Variants in AK4 observed in about 807,000 individuals in gnomAD.
The protein encoded by AK4 is adenylate kinase 4, also known as adenylate kinase 4, mitochondrial.
A neutral mutation model predicts 24.6 loss-of-function variants in AK4; 13 were observed. The ratio of observed to expected loss-of-function variants is 0.53; its 90% CI spans 0.34 to 0.84. The LOEUF (loss-of-function observed/expected upper bound fraction) is 0.84. Ranked by LOEUF, AK4 falls within the 40% of genes least tolerant of loss-of-function variation. The pLI is 0.01. For missense variants in AK4, 192 were observed against 288.2 expected (o/e 0.67, Z 2.42); for synonymous variants, 88 against 107.0 (o/e 0.82, Z 1.10).
At chr1:65,152,394 T>A (rs1348975425) in intron 1 of AK4, among the ~76,000 whole-genome samples, 52 of 46,004 alleles carry the variant, frequency 1.1e-3, no homozygotes, top group African/African-American at 2.2e-3. Context: ...ATTTTTTTTT[T>A]TTTTTTTTTT....
At chr1:65,164,703 A>G (rs1338846349) in intron 1 of AK4, among the ~76,000 whole-genome samples, 1 of 152,124 alleles carries the variant, frequency 6.6e-6, no homozygotes, top group East Asian at 1.9e-4. Flanking sequence ...ATCCTGTTTC[A>G]CTTCCTTGAT....
At chr1:65,224,908 C>T in intron 4 of AK4, 38 bp downstream of exon 4, 1 of 1,537,870 alleles carries the variant, frequency 6.5e-7, no homozygotes, top group Non-Finnish European at 9.0e-7. Context: ...AAAGGACAGA[C>T]TGGAAAGGTG....
intron 1 of AK4, among the ~76,000 whole-genome samples, chr1:65,187,305 G>A (rs922086422): frequency 2.2e-5 from 3 of 137,276 alleles, no homozygotes; most frequent in African/African-American, 5.7e-5. Context: ...CCGAGATCGC[G>A]CCACTGCACT....
At chr1:65,187,347 C>CAAAAAAA (rs150840960) in intron 1 of AK4, among the ~76,000 whole-genome samples, 4 of 66,892 alleles carry the variant, frequency 6.0e-5, no homozygotes, top group Non-Finnish European at 1.2e-4. Flanking sequence ...GACTCCGTCT[C>CAAAAAAA]AAAAAAAAAA....
chr1:65,187,581 G>A (rs1028045234), intron 1 of AK4, among the ~76,000 whole-genome samples: 1 of 152,294 alleles, frequency 6.6e-6, no homozygotes, highest in African/African-American at 2.4e-5. Context: ...AGATGTTATA[G>A]TGTGTGAATT....
chr1:65,221,167 C>A (rs1307596750), intron 3 of AK4, among the ~76,000 whole-genome samples: 1 of 152,056 alleles, frequency 6.6e-6, no homozygotes, highest in Non-Finnish European at 1.5e-5. Flanking sequence ...TAAAGACTAT[C>A]TGATAAAGAC....
chr1:65,158,745 G>A (rs1176480212), intron 1 of AK4, among the ~76,000 whole-genome samples: 1 of 152,084 alleles, frequency 6.6e-6, no homozygotes, highest in Non-Finnish European at 1.5e-5. Context: ...GACCTCAGGT[G>A]ATCCACCTGC....
intron 2 of AK4, among the ~76,000 whole-genome samples, chr1:65,203,600 TC>T (rs1255852601): frequency 2.6e-5 from 4 of 152,070 alleles, no homozygotes; most frequent in Non-Finnish European, 5.9e-5. Flanking sequence ...GATCAGGAGT[TC>T]AAGACCAGCC....
rs1652543710 is a variant in AK4, at chr1:65,228,716, GTTTTGT to G, written c.*2544_*2549del. 1 of 103,126 alleles carries G rather than the reference GTTTTGT, an allele frequency of 9.7e-6. No homozygotes were observed. Among genetic ancestry groups the G allele is most frequent in the Admixed American group, 1.0e-4 (1 of 9,852 alleles). 6.4% of individuals were successfully genotyped at this position (103,126 alleles called of 1,614,324 possible). On this transcript the variant is annotated 3_prime_UTR_variant, in exon 5 of 5. Transcript: ENST00000327299. ...TAAAATTAAAGGGACATCTTTTCTT[GTTTTGT>G]TTTTTTTTTTTCTATTGCCACACAT... is the stretch of plus-strand genomic sequence containing the variant.
chr1:65,178,133 G>T (rs1196941740), intron 1 of AK4, among the ~76,000 whole-genome samples: 1 of 152,106 alleles, frequency 6.6e-6, no homozygotes, highest in Non-Finnish European at 1.5e-5. Flanking sequence ...AGAGTTCAAA[G>T]GTATGATAAT....
upstream of AK4, chr1:65,148,130 G>A (rs1052834087): frequency 1.7e-6 from 1 of 581,872 alleles, no homozygotes; most frequent in Non-Finnish European, 2.7e-6. Context: ...CGCTTCAGCA[G>A]CTTTGCGTGG....
At chr1:65,188,893 G>A (rs1651195582) in intron 1 of AK4, among the ~76,000 whole-genome samples, 1 of 152,106 alleles carries the variant, frequency 6.6e-6, no homozygotes, top group Non-Finnish European at 1.5e-5. Flanking sequence ...TCCTGCCTCA[G>A]CCTCCTGAGT....
intron 2 of AK4, among the ~76,000 whole-genome samples, chr1:65,206,912 A>G (rs1458091485): frequency 6.6e-6 from 1 of 152,256 alleles, no homozygotes; most frequent in African/African-American, 2.4e-5. Flanking sequence ...TGATTTTAGT[A>G]TAACTTACTT....
At chr1:65,187,343 G>A (rs1329833383) in intron 1 of AK4, among the ~76,000 whole-genome samples, 12 of 101,152 alleles carry the variant, frequency 1.2e-4, no homozygotes, top group South Asian at 3.2e-4. Context: ...GCGAGACTCC[G>A]TCTCAAAAAA....
intron 2 of AK4, among the ~76,000 whole-genome samples, chr1:65,214,652 T>A (rs941951965): frequency 1.2e-4 from 18 of 152,196 alleles, no homozygotes; most frequent in African/African-American, 4.1e-4. Flanking sequence ...CTTAAGGCTA[T>A]TTCTCCTCAC....
At chr1:65,218,680 A>C in intron 2 of AK4, 74 bp from the exon 3 acceptor site, 1 of 1,422,808 alleles carries the variant, frequency 7.0e-7, no homozygotes, top group South Asian at 1.5e-5. Flanking sequence ...TAATTCTGTC[A>C]CTGAAAATGT....
chr1:65,213,610 G>A (rs1003796141), intron 2 of AK4, among the ~76,000 whole-genome samples: 3 of 152,206 alleles, frequency 2.0e-5, no homozygotes, highest in East Asian at 1.9e-4. Context: ...AGCAGCAACC[G>A]TTTATTAATC....
At chr1:65,149,654 A>G (rs934238117) in intron 1 of AK4, among the ~76,000 whole-genome samples, 1 of 152,218 alleles carries the variant, frequency 6.6e-6, no homozygotes, top group African/African-American at 2.4e-5. Flanking sequence ...GGAGGACAGT[A>G]CCAGAAAACA....
chr1:65,215,419 G>A (rs1393247174), intron 2 of AK4, among the ~76,000 whole-genome samples: 1 of 152,058 alleles, frequency 6.6e-6, no homozygotes, highest in South Asian at 2.1e-4. Context: ...TCATTCACCC[G>A]CCTCGGCCTC....
Sources: allele counts gnomAD v4.1 joint callset (sites outside exome capture counted in the v4.1 genomes callset), GRCh38; gene constraint gnomAD v4.1.1; transcripts MANE v1.5; gene names NCBI Gene and HGNC (gene_info 2026-07-23, HGNC 2026-07-21).